Variants in MCM5 observed in about 807,000 individuals in gnomAD.
The protein encoded by MCM5 is DNA replication licensing factor MCM5.
Under a neutral mutation model 79.9 loss-of-function variants are expected in MCM5, and 46 were observed. The observed-to-expected ratio is 0.58, with a 90% CI of 0.45 to 0.74. The LOEUF is 0.74. MCM5 is among the 30% of genes least tolerant of loss of function. MCM5 has a pLI of 0.00. For synonymous variants in MCM5, 404 were observed against 390.5 expected (o/e 1.03, Z -0.41); for missense variants, 883 against 1,017.0 (o/e 0.87, Z 1.79).
At chr22:35,403,590 G>T (rs1932126728) in intron 4 of MCM5, 48 bp downstream of exon 4, 2 of 1,602,908 alleles carry the variant, frequency 1.2e-6, no homozygotes, top group Non-Finnish European at 1.7e-6. Context: ...GGCTTTGGAT[G>T]CAGCCAGACC....
At chr22:35,425,867 C>T (rs1932775748), downstream of MCM5, among the ~76,000 whole-genome samples, 1 of 152,038 alleles carries the variant, frequency 6.6e-6, no homozygotes, top group South Asian at 2.1e-4. Context: ...GTGGTCACCT[C>T]TGTTTTACAG....
chr22:35,449,873 T>C, the MCM5 span, among the ~76,000 whole-genome samples: 1 of 152,166 alleles, frequency 6.6e-6, no homozygotes, highest in African/African-American at 2.4e-5. Flanking sequence ...CCTCAACCTC[T>C]TGGGCTGAAG....
the MCM5 span, among the ~76,000 whole-genome samples, chr22:35,436,709 T>C: frequency 5.7e-4 from 87 of 152,280 alleles, no homozygotes; most frequent in African/African-American, 1.9e-3. Context: ...TCCAAACCCA[T>C]TGGGGCAGGG....
intron 7 of MCM5, 40 bp from the exon 8 acceptor site, chr22:35,412,470 C>G: frequency 3.5e-6 from 5 of 1,423,676 alleles, no homozygotes; most frequent in Non-Finnish European, 4.6e-6. Flanking sequence ...GCTGGAAGAG[C>G]TCCCTTGTAC....
intron 5 of MCM5, among the ~76,000 whole-genome samples, chr22:35,408,147 G>C (rs1238573760): frequency 2.0e-5 from 3 of 152,124 alleles, no homozygotes; most frequent in Non-Finnish European, 4.4e-5. Flanking sequence ...AGTGTGACCT[G>C]TCTGCCTCCT....
chr22:35,433,266 A>T, the MCM5 span, among the ~76,000 whole-genome samples: 1 of 151,896 alleles, frequency 6.6e-6, no homozygotes, highest in Non-Finnish European at 1.5e-5. Context: ...TAGAACTTCA[A>T]CCCTTGGAGC....
chr22:35,442,940 G>A, the MCM5 span, among the ~76,000 whole-genome samples: 3 of 152,136 alleles, frequency 2.0e-5, no homozygotes, highest in East Asian at 3.9e-4. Flanking sequence ...GTGAGGGTAC[G>A]TGTCCTTGGC....
At chr22:35,430,502 CTTT>C in the MCM5 span, among the ~76,000 whole-genome samples, 12 of 138,732 alleles carry the variant, frequency 8.6e-5, no homozygotes, top group African/African-American at 8.0e-5. Context: ...CCAGTGGGGA[CTTT>C]TTTTTTTTTT....
intron 1 of MCM5, 26 bp from the exon 2 acceptor site, chr22:35,400,405 G>T (rs200821326): frequency 6.2e-7 from 1 of 1,613,774 alleles, no homozygotes; most frequent in South Asian, 1.1e-5. Flanking sequence ...CCCCCAGCCT[G>T]TTCTGGCCGT....
chr22:35,417,324 TC>T (rs1447929993), intron 12 of MCM5, among the ~76,000 whole-genome samples: 3 of 152,194 alleles, frequency 2.0e-5, no homozygotes, highest in African/African-American at 7.2e-5. Flanking sequence ...TAAGATTTTG[TC>T]CTGTTAGCTT....
the MCM5 span, among the ~76,000 whole-genome samples, chr22:35,447,709 G>A: frequency 9.9e-5 from 15 of 152,140 alleles, no homozygotes; most frequent in African/African-American, 3.1e-4. Flanking sequence ...TCAAGTGATC[G>A]GCCTGTCTCC....
At chr22:35,429,267 T>C (rs1932797772), downstream of MCM5, among the ~76,000 whole-genome samples, 1 of 134,380 alleles carries the variant, frequency 7.4e-6, no homozygotes, top group South Asian at 2.4e-4. Flanking sequence ...ATTATAGGCA[T>C]GAGCCACCGT....
At chr22:35,406,219 C>A (rs1932206695) in intron 4 of MCM5, among the ~76,000 whole-genome samples, 2 of 150,954 alleles carry the variant, frequency 1.3e-5, no homozygotes, top group South Asian at 4.2e-4. Context: ...ATGTCGCCAT[C>A]AGAGCTGGGG....
chr22:35,416,473 C>T (rs1420141727), intron 11 of MCM5, 69 bp downstream of exon 11: 1 of 1,528,042 alleles, frequency 6.5e-7, no homozygotes, highest in Non-Finnish European at 9.0e-7. Context: ...TCAGGCTGCC[C>T]TGATTGGGAC....
At chr22:35,420,463 C>T (rs535413423) in intron 14 of MCM5, among the ~76,000 whole-genome samples, 20 of 152,384 alleles carry the variant, frequency 1.3e-4, no homozygotes, top group African/African-American at 3.8e-4. Flanking sequence ...TGAATCCTGT[C>T]TCCAGCACTG....
intron 6 of MCM5, among the ~76,000 whole-genome samples, chr22:35,409,202 A>T (rs890312665): frequency 1.3e-5 from 2 of 152,062 alleles, no homozygotes; most frequent in Non-Finnish European, 2.9e-5. Context: ...TGACCTCATG[A>T]TCCGCCCGCC....
the MCM5 span, among the ~76,000 whole-genome samples, chr22:35,445,431 T>TAC: frequency 7.0e-6 from 1 of 143,862 alleles, no homozygotes; most frequent in Admixed American, 7.3e-5. Context: ...TGGGTTCAAG[T>TAC]GATTCTCCTG....
chr22:35,435,137 C>G, the MCM5 span, among the ~76,000 whole-genome samples: 1 of 151,980 alleles, frequency 6.6e-6, no homozygotes, highest in Non-Finnish European at 1.5e-5. Context: ...GGCGACAGAG[C>G]AAGACTCCAT....
intron 7 of MCM5, 58 bp downstream of exon 7, chr22:35,410,968 C>G: frequency 1.3e-6 from 2 of 1,495,186 alleles, no homozygotes; most frequent in Non-Finnish European, 1.8e-6. Context: ...TTGCATACTT[C>G]TGGTAACAGG....
Sources: gnomAD v4.1 joint callset for allele counts (sites outside exome capture counted in the v4.1 genomes callset) on GRCh38, gnomAD v4.1.1 for gene constraint, MANE v1.5 for transcripts, NCBI Gene and HGNC (gene_info 2026-07-23, HGNC 2026-07-21) for gene names.